ARHGAP10: variants seen among roughly 807,000 people sequenced by gnomAD.
The protein encoded by ARHGAP10 is rho GTPase-activating protein 10.
Under a neutral mutation model 108.6 loss-of-function variants are expected in ARHGAP10, and 87 were observed. The ratio of observed to expected loss-of-function variants is 0.80; its 90% confidence interval spans 0.67 to 0.96. The LOEUF is 0.96. Ranked by LOEUF, ARHGAP10 falls within the 40% of genes least tolerant of loss-of-function variation. The pLI is 0.00. For synonymous variants in ARHGAP10, 347 were observed against 341.1 expected, an observed-to-expected ratio of 1.02 and a Z score of -0.19; for missense variants, 939 against 954.5, an observed-to-expected ratio of 0.98 and a Z score of 0.21.
rs1376395660 is a variant in ARHGAP10, at chr4:148,063,189, C to G, written c.2069C>G (p.Pro690Arg). Residue 690 changes from proline (P) to arginine (R), a missense_variant, in exon 21 of 23, where the codon CCA (proline) becomes CGA (arginine). Physicochemically the swap from Pro to Arg is moderately radical, Grantham distance 103. Coordinates refer to ENST00000336498, the MANE Select transcript of ARHGAP10 (RefSeq NM_024605.4). Reference sequence around the variant, plus strand: ...TCGTCTATGGTCCAGTGGCTTAACCCACAGTCTCCAACCACAACAAGCTCC... The same window carrying G: ...TCGTCTATGGTCCAGTGGCTTAACCGACAGTCTCCAACCACAACAAGCTCC... ...TRSSMVQWLN[P>R]QSPTTTSSNS... is the part of the protein sequence containing the mutation. The G allele has an allele frequency of 6.2e-7, 1 of 1,614,180 alleles. No individual in the cohort carries two copies. Among genetic ancestry groups the G allele is most frequent in the Non-Finnish European group, 8.5e-7 (1 of 1,180,044 alleles).
chr4:148,069,183 GGAGAGCCTGCCAGCCTTATCT>G (rs967750776), intron 22 of ARHGAP10, among the ~76,000 whole-genome samples: 1 of 152,128 alleles, frequency 6.6e-6, no homozygotes, highest in African/African-American at 2.4e-5. Flanking sequence ...AGAGAGGGAG[GGAGAGCCTGCCAGCCTTATCT>G]GCAACTGCGG....
chr4:147,774,517 C>G (rs1730207875), intron 1 of ARHGAP10, among the ~76,000 whole-genome samples: 1 of 152,204 alleles, frequency 6.6e-6, no homozygotes, highest in South Asian at 2.1e-4. Context: ...AAGTTTTAAT[C>G]TCTTTTTCTT....
At chr4:148,040,818 G>A (rs989432305) in intron 19 of ARHGAP10, among the ~76,000 whole-genome samples, 1 of 152,014 alleles carries the variant, frequency 6.6e-6, no homozygotes, top group African/African-American at 2.4e-5. Context: ...AAGATTTGGG[G>A]GGGGTTATTT....
chr4:147,807,332 G>GA (rs561878326), intron 1 of ARHGAP10, among the ~76,000 whole-genome samples: 73 of 151,506 alleles, frequency 4.8e-4, no homozygotes, highest in Non-Finnish European at 5.0e-4. Context: ...CTCTAAAAAA[G>GA]AAAAAATATA....
At chr4:147,738,777 A>G (rs543899951) in intron 1 of ARHGAP10, among the ~76,000 whole-genome samples, 69 of 152,274 alleles carry the variant, frequency 4.5e-4, no homozygotes, top group Admixed American at 6.5e-4. Context: ...TACCCCTAAC[A>G]GTATATTTCT....
At chr4:148,044,247 T>G (rs1728778088) in intron 19 of ARHGAP10, among the ~76,000 whole-genome samples, 1 of 152,126 alleles carries the variant, frequency 6.6e-6, no homozygotes, top group Admixed American at 6.5e-5. Flanking sequence ...CTCTATCTGG[T>G]TGTAAAAACA....
At chr4:147,923,843 G>T (rs910709561) in intron 13 of ARHGAP10, among the ~76,000 whole-genome samples, 2 of 152,220 alleles carry the variant, frequency 1.3e-5, no homozygotes, top group African/African-American at 2.4e-5. Flanking sequence ...ATCTTCAGGG[G>T]TATGGAAAGG....
At chr4:148,043,536 T>C (rs1239503609) in intron 19 of ARHGAP10, among the ~76,000 whole-genome samples, 2 of 144,740 alleles carry the variant, frequency 1.4e-5, no homozygotes, top group Non-Finnish European at 3.0e-5. Flanking sequence ...CCGAACACTT[T>C]GAGAAGTCAA....
chr4:147,874,378 T>C lies in ARHGAP10; in HGVS notation c.703-643T>C, dbSNP rs184596637. ...TTTCGGTGTAGCCGTTTGACAGATA[T>C]TGGCACACCAAGTGTCCTGGGTTTC... On this transcript the variant is annotated intron_variant, in intron 7 of 22. Transcript: ENST00000336498. Among the ~76,000 whole-genome samples the C allele has an allele frequency of 3.4e-4, 52 of 152,322 alleles. No homozygotes were observed. In the East Asian group the frequency reaches 9.6e-3, roughly 28 times the overall value.
At chr4:147,824,373 A>G (rs1054759306) in intron 3 of ARHGAP10, among the ~76,000 whole-genome samples, 18 of 152,174 alleles carry the variant, frequency 1.2e-4, no homozygotes, top group African/African-American at 4.3e-4. Flanking sequence ...AATGAGTACT[A>G]TCTAGAATTA....
Position 147,783,601 on chromosome 4 carries a change from G to A in ARHGAP10, c.155-39126G>A, listed in dbSNP as rs539214888. On this transcript the variant is annotated intron_variant, in intron 1 of 22. Transcript: ENST00000336498. ...TATAATTTATAGAACACATTAAATT[G>A]TGTATTGTATAATTTATAGAACACA... 3.3e-3 allele frequency among the ~76,000 whole-genome samples: 484 copies of A among 144,578 alleles called. 1 individual carries two copies. The highest frequency in any genetic ancestry group is 5.7e-3 in the Non-Finnish European group (373 of 65,740). The allele number at this position is 144,578 out of a possible 152,430, so 94.8% of individuals were successfully genotyped here.
At chr4:147,996,304 A>G (rs1257303593) in intron 18 of ARHGAP10, among the ~76,000 whole-genome samples, 1 of 152,256 alleles carries the variant, frequency 6.6e-6, no homozygotes, top group Admixed American at 6.5e-5. Context: ...ATCAAAATGG[A>G]AACTAAATAA....
At chr4:147,736,870 T>TG (rs1045152747) in intron 1 of ARHGAP10, among the ~76,000 whole-genome samples, 42 of 152,278 alleles carry the variant, frequency 2.8e-4, no homozygotes, top group African/African-American at 9.9e-4. Context: ...ACAGGAAGTC[T>TG]GGGTACTGCA....
chr4:147,738,414 G>A (rs925987179), intron 1 of ARHGAP10, among the ~76,000 whole-genome samples: 5 of 152,108 alleles, frequency 3.3e-5, no homozygotes, highest in South Asian at 2.1e-4. Context: ...TTAGCCGGGC[G>A]TAGTGGAGGG....
At chr4:148,006,621 C>G (rs545141508) in intron 18 of ARHGAP10, among the ~76,000 whole-genome samples, 66 of 152,300 alleles carry the variant, frequency 4.3e-4, no homozygotes, top group Admixed American at 1.2e-3. Context: ...AATTTGATTT[C>G]CCTGTTGACT....
intron 13 of ARHGAP10, chr4:147,916,732 A>G (rs1029113489): frequency 2.6e-5 from 4 of 152,268 alleles, no homozygotes; most frequent in African/African-American, 9.6e-5. Flanking sequence ...GTCCACATCC[A>G]GGAAAATTTC....
chr4:147,954,410 C>G (rs1210564255), intron 15 of ARHGAP10, among the ~76,000 whole-genome samples: 1 of 151,938 alleles, frequency 6.6e-6, no homozygotes, highest in Non-Finnish European at 1.5e-5. Flanking sequence ...ATTGTTTTGG[C>G]TTCATGATGA....
At chr4:147,815,492 T>C (rs1579076687) in intron 1 of ARHGAP10, among the ~76,000 whole-genome samples, 1 of 151,102 alleles carries the variant, frequency 6.6e-6, no homozygotes, top group African/African-American at 2.4e-5. Context: ...GGGGAGGAGG[T>C]TATCTTGGAT....
intron 1 of ARHGAP10, among the ~76,000 whole-genome samples, chr4:147,784,542 TA>T (rs1730730031): frequency 8.5e-6 from 1 of 117,498 alleles, no homozygotes. Flanking sequence ...ACATATATTT[TA>T]TAGTATATAT....
Sources: gnomAD v4.1 joint callset for allele counts (sites outside exome capture counted in the v4.1 genomes callset) on GRCh38, gnomAD v4.1.1 for gene constraint, MANE v1.5 for transcripts, NCBI Gene and HGNC (gene_info 2026-07-23, HGNC 2026-07-21) for gene names.